Variants in ADAM10 observed in about 807,000 individuals in gnomAD.
ADAM10 encodes ADAM metallopeptidase domain 10.
In ADAM10, 17 loss-of-function variants were observed where a neutral mutation model predicts 90.1. The observed-to-expected ratio is 0.19, with a 90% confidence interval of 0.13 to 0.28. The LOEUF is 0.28. Ranked by LOEUF, ADAM10 falls within the 10% of genes least tolerant of loss-of-function variation. The probability of loss-of-function intolerance (pLI) is 1.00; values close to 1 mark genes in which losing one functional copy is unlikely to be tolerated. For missense variants in ADAM10, 610 were observed against 914.3 expected (o/e 0.67, Z 4.29); for synonymous variants, 310 against 298.6 (o/e 1.04, Z -0.40).
chr15:58,633,933 G>A (rs868587235), intron 8 of ADAM10, among the ~76,000 whole-genome samples: 1 of 150,760 alleles, frequency 6.6e-6, no homozygotes, highest in Non-Finnish European at 1.5e-5. Context: ...GTAGAGGAAA[G>A]AAGGAAAAAG....
At chr15:58,638,286 G>A (rs1392672720) in intron 8 of ADAM10, among the ~76,000 whole-genome samples, 3 of 152,088 alleles carry the variant, frequency 2.0e-5, no homozygotes, top group South Asian at 2.1e-4. Flanking sequence ...GGGAGTCTTC[G>A]TTTTCTATTC....
Position 58,611,984 on chromosome 15 carries a change from G to A in ADAM10, c.1519C>T (p.Gln507Ter). ...CACTGTGCTGTACAACAAGGACCTT[G>A]ACTTGGACTAGAGGAAACATTAAGT... ...LKPGKQCSPS[Q>*]GPCCTAQCAF... The change falls in exon 12 of 16, where the codon CAA becomes TAA. Residue 507 changes from glutamine to a stop codon, truncating the protein, a stop_gained. Coordinates refer to ENST00000260408, the MANE Select transcript of ADAM10 (RefSeq NM_001110.4). LOFTEE classifies it high-confidence loss of function. The A allele has an allele frequency of 6.2e-7, 1 of 1,614,014 alleles. No homozygotes were observed. The highest frequency in any genetic ancestry group is 8.5e-7 in the Non-Finnish European group (1 of 1,179,942).
chr15:58,735,940 GCT>G (rs1899416668), intron 1 of ADAM10, among the ~76,000 whole-genome samples: 1 of 152,116 alleles, frequency 6.6e-6, no homozygotes, highest in Non-Finnish European at 1.5e-5. Context: ...AGAAATACAT[GCT>G]ACCTGACAAT....
intron 1 of ADAM10, among the ~76,000 whole-genome samples, chr15:58,720,615 A>G (rs1384979691): frequency 6.6e-6 from 1 of 151,352 alleles, no homozygotes; most frequent in Non-Finnish European, 1.5e-5. Flanking sequence ...GTTAGTCAGG[A>G]TAGTCTCGAT....
chr15:58,742,985 G>A (rs1279527077), intron 1 of ADAM10, among the ~76,000 whole-genome samples: 1 of 152,136 alleles, frequency 6.6e-6, no homozygotes, highest in East Asian at 1.9e-4. Context: ...TTGAGCTGCA[G>A]AGGTCAAGGC....
rs1052819566 is a variant in ADAM10 at position 58,633,501 on chromosome 15, G to C, written c.1013-142C>G. ...ACTCAAACGTATCACATATGCAAAAGTTTCTTTGGTCCAAGACTAAGAAGT... is the reference window on the plus strand; with the variant it reads ...ACTCAAACGTATCACATATGCAAAACTTTCTTTGGTCCAAGACTAAGAAGT... On this transcript the variant is annotated intron_variant, in intron 8 of 15. Transcript: ENST00000260408. 1.5e-4 allele frequency: 109 copies of C among 724,124 alleles called. No individual in the cohort carries two copies. In the African/African-American group the frequency reaches 1.8e-3, roughly 12 times the overall value. 44.9% of individuals were successfully genotyped at this position (724,124 alleles called of 1,614,324 possible).
intron 1 of ADAM10, among the ~76,000 whole-genome samples, chr15:58,745,989 T>TA (rs1246870023): frequency 1.3e-5 from 2 of 152,302 alleles, no homozygotes; most frequent in African/African-American, 4.8e-5. Flanking sequence ...ACACTGTGAA[T>TA]AAAACATATC....
intron 2 of ADAM10, among the ~76,000 whole-genome samples, chr15:58,702,350 C>T (rs1364361127): frequency 1.3e-5 from 2 of 152,078 alleles, no homozygotes; most frequent in African/African-American, 4.8e-5. Flanking sequence ...TGGGTACAAA[C>T]ATACAATTAG....
At chr15:58,745,728 A>T (rs549767164) in intron 1 of ADAM10, among the ~76,000 whole-genome samples, 19 of 152,286 alleles carry the variant, frequency 1.2e-4, no homozygotes, top group African/African-American at 4.6e-4. Context: ...TACCCACAGT[A>T]CCCAAGCAGG....
At chr15:58,705,700 C>G (rs1331388313) in intron 2 of ADAM10, among the ~76,000 whole-genome samples, 2 of 152,142 alleles carry the variant, frequency 1.3e-5, no homozygotes, top group Non-Finnish European at 2.9e-5. Flanking sequence ...CCTCCTACAT[C>G]TTAATATACA....
chr15:58,675,836 C>A (rs1421248349), intron 4 of ADAM10, among the ~76,000 whole-genome samples: 3 of 152,084 alleles, frequency 2.0e-5, no homozygotes, highest in African/African-American at 7.2e-5. Context: ...AAGAGGGTAG[C>A]CAAATTCTCA....
chr15:58,722,406 G>A (rs1001223097), intron 1 of ADAM10, among the ~76,000 whole-genome samples: 6 of 151,472 alleles, frequency 4.0e-5, no homozygotes, highest in African/African-American at 1.5e-4. Flanking sequence ...AGGAATGATG[G>A]CATGCACCTG....
At chr15:58,602,543 A>G (rs1488590273) in intron 14 of ADAM10, among the ~76,000 whole-genome samples, 1 of 152,104 alleles carries the variant, frequency 6.6e-6, no homozygotes, top group Non-Finnish European at 1.5e-5. Flanking sequence ...GGGCTCACCT[A>G]ATGGCTTTAG....
In ADAM10 at chr15:58,593,149, A is replaced by ATATTTTTTT. The variant is rs1566960154; in HGVS notation, c.*4397_*4398insAAAAAAATA. 2 of 68,402 alleles carry ATATTTTTTT rather than the reference A, an allele frequency of 2.9e-5. 1 individual carries two copies. Among genetic ancestry groups the ATATTTTTTT allele is most frequent in the Admixed American group, 4.2e-4 (2 of 4,714 alleles). 4.2% of individuals were successfully genotyped at this position (68,402 alleles called of 1,614,324 possible). On this transcript the variant is annotated 3_prime_UTR_variant, in exon 16 of 16. Coordinates refer to ENST00000260408, the MANE Select transcript of ADAM10 (RefSeq NM_001110.4). ...AAAGTAACAAAGGCCAGGTACTCAA[A>ATATTTTTTT]TTTTTTTTTTTTTTTTTTTTTTTTT...
At chr15:58,643,334 C>T (rs1338928009) in intron 7 of ADAM10, among the ~76,000 whole-genome samples, 1 of 151,890 alleles carries the variant, frequency 6.6e-6, no homozygotes, top group African/African-American at 2.4e-5. Context: ...GTTTCATGGT[C>T]AAAAATTTAG....
chr15:58,649,123 C>T (rs546736913), intron 5 of ADAM10, among the ~76,000 whole-genome samples: 11 of 152,104 alleles, frequency 7.2e-5, no homozygotes, highest in Admixed American at 6.5e-4. Context: ...TTTGTCCTGC[C>T]TGTTCAATAG....
chr15:58,720,618 G>A (rs1213265294), intron 1 of ADAM10, among the ~76,000 whole-genome samples: 1 of 150,638 alleles, frequency 6.6e-6, no homozygotes, highest in Non-Finnish European at 1.5e-5. Flanking sequence ...AGTCAGGATA[G>A]TCTCGATCTC....
chr15:58,595,202 A>G lies in ADAM10; in HGVS notation c.*2345T>C, dbSNP rs1466629714. On this transcript the variant is annotated 3_prime_UTR_variant, in exon 16 of 16. Transcript: ENST00000260408. ...GAAACAATGTAATGCAGTTGAGATT[A>G]GTTGGGTGTTTTAAAAAGGTTTATT... 4 of 152,072 alleles carry G rather than the reference A, an allele frequency of 2.6e-5. No homozygotes were observed. The highest frequency in any genetic ancestry group is 9.7e-5 in the African/African-American group (4 of 41,428). 9.4% of individuals were successfully genotyped at this position (152,072 alleles called of 1,614,324 possible).
At chr15:58,678,894 C>A (rs574826971) in intron 4 of ADAM10, among the ~76,000 whole-genome samples, 2 of 152,124 alleles carry the variant, frequency 1.3e-5, no homozygotes, top group African/African-American at 4.8e-5. Flanking sequence ...ACAGTTCAAA[C>A]AGAATTAGTT....
Sources: gnomAD v4.1 joint callset for allele counts (sites outside exome capture counted in the v4.1 genomes callset) on GRCh38, gnomAD v4.1.1 for gene constraint, MANE v1.5 for transcripts, NCBI Gene and HGNC (gene_info 2026-07-23, HGNC 2026-07-21) for gene names.